TUT4: variants seen among roughly 807,000 people sequenced by gnomAD.
TUT4 encodes the protein terminal uridylyl transferase 4.
In TUT4, 36 loss-of-function variants were observed where a neutral mutation model predicts 192.2. The observed-to-expected ratio is 0.19, with a 90% CI of 0.14 to 0.25. TUT4 has a LOEUF of 0.25. Among genes scored for constraint, TUT4 ranks in the 10% least tolerant of loss-of-function variants. The pLI is 1.00. For synonymous variants in TUT4, 618 were observed against 666.0 expected (o/e 0.93, Z 1.11); for missense variants, 1,493 against 1,957.2 (o/e 0.76, Z 4.47).
chr1:52,508,028 G>A (rs775476315), intron 4 of TUT4, among the ~76,000 whole-genome samples: 4 of 152,032 alleles, frequency 2.6e-5, no homozygotes, highest in Non-Finnish European at 5.9e-5. Context: ...GCCCAGGCTG[G>A]TCTCAAACTC....
At chr1:52,532,852 T>C (rs976793528) in intron 1 of TUT4, among the ~76,000 whole-genome samples, 1 of 152,188 alleles carries the variant, frequency 6.6e-6, no homozygotes, top group African/African-American at 2.4e-5. Flanking sequence ...ACATGACTAG[T>C]CTACATTTCA....
intron 1 of TUT4, among the ~76,000 whole-genome samples, chr1:52,546,954 A>T (rs1688233054): frequency 2.0e-5 from 3 of 151,966 alleles, no homozygotes; most frequent in South Asian, 4.1e-4. Flanking sequence ...CAACATAATG[A>T]GATCCTGTCT....
At chr1:52,516,777 GCA>G in intron 2 of TUT4, among the ~76,000 whole-genome samples, 1 of 152,062 alleles carries the variant, frequency 6.6e-6, no homozygotes, top group East Asian at 1.9e-4. Flanking sequence ...AGCATATTAC[GCA>G]CAGTCCCTTG....
intron 1 of TUT4, among the ~76,000 whole-genome samples, chr1:52,546,256 C>T (rs1688071335): frequency 6.6e-6 from 1 of 152,144 alleles, no homozygotes; most frequent in Non-Finnish European, 1.5e-5. Context: ...CTCATGTTCA[C>T]AGCAGCATCA....
In TUT4 at chr1:52,423,345, C is replaced by T. The variant is rs1397301396; in HGVS notation, c.*590G>A. On this transcript the variant is annotated 3_prime_UTR_variant, in exon 30 of 30. Coordinates refer to ENST00000257177, the MANE Select transcript of TUT4 (RefSeq NM_001009881.3). ...TCAAATACAGACAAAATCAACTTTC[C>T]ATTCAAGTTTGAATGTTCAATATAC... 2.0e-5 allele frequency: 3 copies of T among 152,898 alleles called. No homozygotes were observed. Among genetic ancestry groups the T allele is most frequent in the African/African-American group, 7.2e-5 (3 of 41,402 alleles). 9.5% of individuals were successfully genotyped at this position (152,898 alleles called of 1,614,324 possible).
chr1:52,544,249 G>C (rs555883757), intron 1 of TUT4, among the ~76,000 whole-genome samples: 3 of 151,128 alleles, frequency 2.0e-5, no homozygotes, highest in African/African-American at 7.3e-5. Flanking sequence ...GATCGTGCCA[G>C]TGCACTTCAG....
At chr1:52,484,457 C>T (rs1669290711) in intron 9 of TUT4, among the ~76,000 whole-genome samples, 1 of 152,030 alleles carries the variant, frequency 6.6e-6, no homozygotes, top group Non-Finnish European at 1.5e-5. Context: ...TGGAACCAAT[C>T]CCCCTACCAC....
chr1:52,470,499 A>G (rs1346077579), intron 14 of TUT4, among the ~76,000 whole-genome samples: 1 of 152,220 alleles, frequency 6.6e-6, no homozygotes, highest in Non-Finnish European at 1.5e-5. Context: ...GAAATGAGAC[A>G]AATATTTATC....
chr1:52,430,224 G>C (rs1651617553), intron 28 of TUT4, among the ~76,000 whole-genome samples: 1 of 152,090 alleles, frequency 6.6e-6, no homozygotes, highest in Non-Finnish European at 1.5e-5. Context: ...CAGCAGCACG[G>C]TTTTGAACAA....
chr1:52,525,999 A>C lies in TUT4; in HGVS notation c.282T>G (p.Ser94Arg). Residue 94 changes from serine (S) to arginine (R), a missense_variant, in exon 2 of 30, where the codon AGT becomes AGG. Ser to Arg is a moderately radical substitution (Grantham distance 110). Coordinates refer to ENST00000257177, the MANE Select transcript of TUT4 (RefSeq NM_001009881.3). ...KDLGLVLRDQ[S>R]HCKAKKFPNS... is the part of the protein sequence containing the mutation. ...TAGGAAATTTTTTTGCTTTGCAATG[A>C]CTTTGATCTCGAAGGACTAACCCCA... 1 of 1,614,108 alleles carries C rather than the reference A, an allele frequency of 6.2e-7. No individual in the cohort carries two copies. Among genetic ancestry groups the C allele is most frequent in the Non-Finnish European group, 8.5e-7 (1 of 1,180,022 alleles).
At chr1:52,534,907 A>G (rs1684492277) in intron 1 of TUT4, 3 of 152,156 alleles carry the variant, frequency 2.0e-5, no homozygotes, top group Admixed American at 6.5e-5. Context: ...ATTCATTCAA[A>G]ATGTTTTCAA....
intron 4 of TUT4, among the ~76,000 whole-genome samples, chr1:52,500,979 A>G (rs1032294234): frequency 1.1e-4 from 17 of 152,280 alleles, no homozygotes; most frequent in African/African-American, 3.6e-4. Flanking sequence ...TAAAACCGTA[A>G]CTAAGAAATG....
chr1:52,453,447 C>T (rs931096749), intron 20 of TUT4, among the ~76,000 whole-genome samples: 1 of 150,750 alleles, frequency 6.6e-6, no homozygotes, highest in Non-Finnish European at 1.5e-5. Context: ...AGTAACCCAT[C>T]ACATCAACAG....
At chr1:52,538,072 C>T (rs1685442901) in intron 1 of TUT4, among the ~76,000 whole-genome samples, 1 of 152,028 alleles carries the variant, frequency 6.6e-6, no homozygotes, top group African/African-American at 2.4e-5. Flanking sequence ...CCCGTCTCTA[C>T]TAAAAATACA....
chr1:52,532,837 T>C (rs1054314841), intron 1 of TUT4, among the ~76,000 whole-genome samples: 1 of 152,222 alleles, frequency 6.6e-6, no homozygotes, highest in African/African-American at 2.4e-5. Flanking sequence ...TCCTTTTTCC[T>C]GAGCACATGA....
intron 1 of TUT4, among the ~76,000 whole-genome samples, chr1:52,538,151 G>A (rs752212084): frequency 2.0e-5 from 3 of 152,172 alleles, no homozygotes; most frequent in Non-Finnish European, 4.4e-5. Context: ...CACAAGAACC[G>A]CTTGAATCCA....
chr1:52,471,475 T>C (rs1260024812), intron 14 of TUT4, among the ~76,000 whole-genome samples: 1 of 152,196 alleles, frequency 6.6e-6, no homozygotes, highest in East Asian at 1.9e-4. Flanking sequence ...CACATTCTAT[T>C]TCCAATTATG....
At chr1:52,449,961 T>C (rs1054496097) in intron 20 of TUT4, among the ~76,000 whole-genome samples, 3 of 152,186 alleles carry the variant, frequency 2.0e-5, no homozygotes, top group South Asian at 2.1e-4. Flanking sequence ...TAAGCTGATA[T>C]GGGTTAAAAA....
chr1:52,526,779 C>A (rs1385881054), intron 1 of TUT4, among the ~76,000 whole-genome samples: 1 of 151,972 alleles, frequency 6.6e-6, no homozygotes, highest in Non-Finnish European at 1.5e-5. Context: ...AATCCCAGCA[C>A]TTTGGGAGGT....
Sources: gnomAD v4.1 joint callset for allele counts (sites outside exome capture counted in the v4.1 genomes callset) on GRCh38, gnomAD v4.1.1 for gene constraint, MANE v1.5 for transcripts, NCBI Gene and HGNC (gene_info 2026-07-23, HGNC 2026-07-21) for gene names.